The following ASTN2 variants were observed in gnomAD, a reference collection of about 807,000 sequenced individuals.
The protein encoded by ASTN2 is astrotactin-2.
In ASTN2, 54 loss-of-function variants were observed where a neutral mutation model predicts 139.8. The observed-to-expected ratio is 0.39, with a 90% CI of 0.31 to 0.48. The LOEUF is 0.48. Among genes scored for constraint, ASTN2 ranks in the 20% least tolerant of loss-of-function variants. The pLI, the probability that ASTN2 is intolerant of heterozygous loss-of-function variation, is 0.95. For synonymous variants in ASTN2, 756 were observed against 719.5 expected (o/e 1.05, Z -0.81); for missense variants, 1,565 against 1,725.1 (o/e 0.91, Z 1.64).
At chr9:117,224,812 T>C (rs903466740) in intron 2 of ASTN2, among the ~76,000 whole-genome samples, 5 of 152,180 alleles carry the variant, frequency 3.3e-5, no homozygotes, top group African/African-American at 1.2e-4. Context: ...AGCCTCAGCT[T>C]GTGGGTCATG....
At chr9:117,095,255 T>G (rs115196063) in intron 5 of ASTN2, among the ~76,000 whole-genome samples, 2,023 of 152,314 alleles carry the variant, frequency 0.013, 51 homozygotes, top group African/African-American at 0.047. Flanking sequence ...TTCCCATCCT[T>G]ATAGACAATC....
intron 19 of ASTN2, among the ~76,000 whole-genome samples, chr9:116,559,554 G>A (rs1852804880): frequency 6.6e-6 from 1 of 152,152 alleles, no homozygotes; most frequent in East Asian, 1.9e-4. Context: ...GTATGATGAT[G>A]GGGATGTTGT....
At chr9:116,967,801 G>A (rs906896592) in intron 10 of ASTN2, among the ~76,000 whole-genome samples, 5 of 152,058 alleles carry the variant, frequency 3.3e-5, no homozygotes, top group East Asian at 1.9e-4. Context: ...GACTGGCCCC[G>A]ACTCCAGCCT....
intron 2 of ASTN2, among the ~76,000 whole-genome samples, chr9:117,285,878 G>T (rs1834437219): frequency 6.6e-6 from 1 of 152,098 alleles, no homozygotes; most frequent in South Asian, 2.1e-4. Flanking sequence ...AGAGAAACAT[G>T]CCCTCAAAAT....
chr9:116,563,719 A>G (rs1056912982), intron 19 of ASTN2, among the ~76,000 whole-genome samples: 15 of 151,958 alleles, frequency 9.9e-5, no homozygotes, highest in African/African-American at 3.4e-4. Context: ...CTGATAAAAT[A>G]TTTATTTTGT....
intron 15 of ASTN2, among the ~76,000 whole-genome samples, chr9:116,726,961 T>A (rs1288390476): frequency 2.0e-5 from 3 of 151,992 alleles, no homozygotes; most frequent in Non-Finnish European, 4.4e-5. Context: ...TTATCCTGAA[T>A]GTGACCTGAA....
intron 6 of ASTN2, among the ~76,000 whole-genome samples, chr9:117,009,202 A>T (rs1294346046): frequency 1.3e-5 from 2 of 152,164 alleles, no homozygotes; most frequent in Admixed American, 1.3e-4. Flanking sequence ...ATTATTATCA[A>T]CCAATTTTTC....
intron 10 of ASTN2, among the ~76,000 whole-genome samples, chr9:116,954,241 G>C (rs1386564546): frequency 6.6e-6 from 1 of 152,172 alleles, no homozygotes; most frequent in Non-Finnish European, 1.5e-5. Context: ...CACAATGTTA[G>C]TGAATGGCAG....
chr9:117,378,820 G>A (rs1830191163), intron 1 of ASTN2, among the ~76,000 whole-genome samples: 1 of 152,172 alleles, frequency 6.6e-6, no homozygotes, highest in African/African-American at 2.4e-5. Flanking sequence ...CTCTTCAACT[G>A]TAATCCTCAG....
intron 1 of ASTN2, among the ~76,000 whole-genome samples, chr9:117,399,186 T>C (rs1168793717): frequency 6.6e-6 from 1 of 152,142 alleles, no homozygotes; most frequent in Non-Finnish European, 1.5e-5. Flanking sequence ...AAAGCTTACA[T>C]ACTAACAAGA....
intron 19 of ASTN2, among the ~76,000 whole-genome samples, chr9:116,509,466 CAT>C (rs774578050): frequency 6.6e-6 from 1 of 152,114 alleles, no homozygotes; most frequent in Non-Finnish European, 1.5e-5. Flanking sequence ...CCGCAATAAA[CAT>C]ATGTGTGCAT....
At position 116,623,770 on chromosome 9, in the gene ASTN2, G is replaced by A. The variant is rs117387617; in HGVS notation, c.3073-3327C>T. On this transcript the variant is annotated intron_variant, in intron 17 of 22. Coordinates refer to ENST00000313400, the MANE Select transcript of ASTN2 (RefSeq NM_001365068.1). ...ACTTACAGAAAAGCGTGCAGGAGCA[G>A]GGAGGGACTTGAACTAAAGCCCATT... Among the ~76,000 whole-genome samples the A allele has an allele frequency of 2.0e-5, 3 of 152,290 alleles. No individual in the cohort carries two copies. The East Asian group carries it at 5.8e-4, about 29-fold the overall frequency.
chr9:116,545,528 A>G (rs1023684446), intron 19 of ASTN2, among the ~76,000 whole-genome samples: 5 of 152,216 alleles, frequency 3.3e-5, no homozygotes, highest in Non-Finnish European at 7.3e-5. Context: ...TCCATTAAGC[A>G]ATTTCATTGT....
chr9:117,256,099 G>A (rs1833678856), intron 2 of ASTN2, among the ~76,000 whole-genome samples: 1 of 152,214 alleles, frequency 6.6e-6, no homozygotes, highest in Admixed American at 6.5e-5. Context: ...AAGCCTGCAA[G>A]TTTGGCAGGG....
At chr9:116,897,587 C>T (rs1833908079) in intron 10 of ASTN2, among the ~76,000 whole-genome samples, 1 of 152,140 alleles carries the variant, frequency 6.6e-6, no homozygotes, top group Admixed American at 6.5e-5. Flanking sequence ...AACCTAAATA[C>T]TCTTCAGTTA....
chr9:117,170,020 G>A (rs990507424), intron 3 of ASTN2, among the ~76,000 whole-genome samples: 5 of 152,092 alleles, frequency 3.3e-5, no homozygotes, highest in Admixed American at 1.3e-4. Context: ...CTGTGATCAT[G>A]AGCATGGTCA....
At chr9:117,398,632 A>G (rs1016448158) in intron 1 of ASTN2, among the ~76,000 whole-genome samples, 4 of 152,198 alleles carry the variant, frequency 2.6e-5, no homozygotes, top group Non-Finnish European at 4.4e-5. Flanking sequence ...GCTATTCACA[A>G]ACATATCTAT....
intron 1 of ASTN2, among the ~76,000 whole-genome samples, chr9:117,394,288 A>G (rs1045929794): frequency 3.9e-5 from 6 of 152,278 alleles, no homozygotes; most frequent in African/African-American, 1.4e-4. Context: ...TTCTATGTCT[A>G]TGTTATTCAA....
intron 4 of ASTN2, among the ~76,000 whole-genome samples, chr9:117,136,353 A>G (rs1054923609): frequency 2.0e-5 from 3 of 152,234 alleles, no homozygotes; most frequent in South Asian, 4.1e-4. Context: ...GAAAAATACT[A>G]TAACTTAAAC....
Sources: gnomAD v4.1 joint callset for allele counts (sites outside exome capture counted in the v4.1 genomes callset) on GRCh38, gnomAD v4.1.1 for gene constraint, MANE v1.5 for transcripts, NCBI Gene and HGNC (gene_info 2026-07-23, HGNC 2026-07-21) for gene names.